Variants in CPEB4 observed in about 807,000 individuals in gnomAD.
CPEB4 encodes cytoplasmic polyadenylation element binding protein 4, also known as cytoplasmic polyadenylation element-binding protein 4.
CPEB4 carries 12 observed loss-of-function variants against 72.5 expected under a neutral mutation model. The ratio of observed to expected loss-of-function variants is 0.17; its 90% confidence interval spans 0.11 to 0.27. The LOEUF (loss-of-function observed/expected upper bound fraction) is 0.27. Ranked by LOEUF, CPEB4 falls within the 10% of genes least tolerant of loss-of-function variation. The probability of loss-of-function intolerance (pLI) is 1.00; values close to 1 mark genes in which losing one functional copy is unlikely to be tolerated. For missense variants in CPEB4, 614 were observed against 908.5 expected, an observed-to-expected ratio of 0.68 and a Z score of 4.17; for synonymous variants, 302 against 326.3, an observed-to-expected ratio of 0.93 and a Z score of 0.80.
At position 173,900,918 on chromosome 5, in the gene CPEB4, A is replaced by G. The variant is rs1756209837; in HGVS notation, c.1126-9605A>G. On this transcript the variant is annotated intron_variant, in intron 1 of 9. Transcript: ENST00000265085. This position sits in a 1 kb window ranked among gnomAD's most constrained non-coding sequence, Gnocchi z 4.4. ...GTTTTGCTGATGAAATTAAGGTTCA[A>G]TGATATTGCAGCATCAAGATCACTT... Among the ~76,000 whole-genome samples the G allele has an allele frequency of 6.6e-6, 1 of 152,196 alleles. No homozygotes were observed. The highest frequency in any genetic ancestry group is 1.5e-5 in the Non-Finnish European group (1 of 68,036).
At position 173,960,612 on chromosome 5, in the gene CPEB4, C is replaced by T. The variant is rs767620973; in HGVS notation, c.*4475C>T. The T allele has an allele frequency of 6.6e-6, 1 of 152,142 alleles. No homozygotes were observed. The highest frequency in any genetic ancestry group is 1.5e-5 in the Non-Finnish European group (1 of 68,022). The allele number at this position is 152,142 out of a possible 1,614,324, so 9.4% of individuals were successfully genotyped here. A position where few individuals can be genotyped will look rare whatever the true frequency, so the allele number is the denominator to read the frequency against. On this transcript the variant is annotated 3_prime_UTR_variant, in exon 10 of 10. Coordinates refer to ENST00000265085, the MANE Select transcript of CPEB4 (RefSeq NM_030627.4). ...GGAGTAAGCCCAGGATCTAAGCATTCAGTTATCAGTTGAAGGCCAAATGCC... is the reference window on the plus strand; with the variant it reads ...GGAGTAAGCCCAGGATCTAAGCATTTAGTTATCAGTTGAAGGCCAAATGCC...
chr5:173,911,134 G>C (rs1156418246), intron 2 of CPEB4, among the ~76,000 whole-genome samples: 1 of 152,072 alleles, frequency 6.6e-6, no homozygotes, highest in Admixed American at 6.5e-5. Context: ...CTGACAAGTT[G>C]TGTTATCTTG....
rs182360362 is a variant in CPEB4, at chr5:173,944,500, T to A, written c.1283-467T>A. Among the ~76,000 whole-genome samples the A allele has an allele frequency of 2.8e-3, 424 of 151,780 alleles. 4 individuals are homozygous for A. The highest frequency in any genetic ancestry group is 1.0e-2 in the African/African-American group (413 of 41,400). ...AAAAAAAAAAAAAAAAAAAATTGAC[T>A]TGTTCATTTTAAGCACATTCTTAGA... On this transcript the variant is annotated intron_variant, in intron 4 of 9. Coordinates refer to ENST00000265085, the MANE Select transcript of CPEB4 (RefSeq NM_030627.4).
intron 2 of CPEB4, among the ~76,000 whole-genome samples, chr5:173,916,852 A>G (rs10078470): frequency 0.011 from 1,679 of 152,328 alleles, 27 homozygotes; most frequent in African/African-American, 0.037. Context: ...TCATTGTAAG[A>G]GAGTGGCTGT....
intron 1 of CPEB4, among the ~76,000 whole-genome samples, chr5:173,893,440 G>A (rs1160787328): frequency 1.3e-5 from 2 of 151,950 alleles, no homozygotes; most frequent in Non-Finnish European, 2.9e-5. Context: ...AACATAGTGA[G>A]ACCCCCGTCT....
At chr5:173,894,925 G>A (rs73806651) in intron 1 of CPEB4, among the ~76,000 whole-genome samples, 2,244 of 152,244 alleles carry the variant, frequency 0.015, 64 homozygotes, top group African/African-American at 0.05. Context: ...AGTATTGAAA[G>A]GGGAAAATAA....
At chr5:173,953,599 T>A (rs773504946) in intron 9 of CPEB4, among the ~76,000 whole-genome samples, 1 of 152,236 alleles carries the variant, frequency 6.6e-6, no homozygotes. Context: ...TGTTCTGTGT[T>A]ATATCAAGTA....
intron 2 of CPEB4, among the ~76,000 whole-genome samples, chr5:173,912,518 CCCAGGAGTTTGAGA>C (rs1369240122): frequency 6.6e-6 from 1 of 151,806 alleles, no homozygotes; most frequent in Non-Finnish European, 1.5e-5. Context: ...ATCACTTGAG[CCCAGGAGTTTGAGA>C]CCAGCCTGGG....
At chr5:173,916,219 G>A (rs1325546423) in intron 2 of CPEB4, among the ~76,000 whole-genome samples, 1 of 152,190 alleles carries the variant, frequency 6.6e-6, no homozygotes, top group Non-Finnish European at 1.5e-5. Context: ...CCTTTGAATA[G>A]TGTGAAAATG....
At chr5:173,938,673 G>A (rs1413744329) in intron 3 of CPEB4, among the ~76,000 whole-genome samples, 1 of 152,118 alleles carries the variant, frequency 6.6e-6, no homozygotes, top group East Asian at 1.9e-4. Context: ...AACCCGAATA[G>A]GATCCGTTTT....
In CPEB4 at chr5:173,950,158, T is replaced by A; in HGVS notation, c.1665+80T>A. The stretch of plus-strand genomic sequence containing the variant: ...ATATTTGAAAAACCCATAGACAACT[T>A]GATGTGTTTGGGGTACTTAATTGAC... On this transcript the variant is annotated intron_variant, in intron 7 of 9. Transcript: ENST00000265085. The surrounding 1 kb of genome is among the most constrained non-coding windows in gnomAD (Gnocchi z 5.0). 1 of 806,182 alleles carries A rather than the reference T, an allele frequency of 1.2e-6. No homozygotes were observed. Among genetic ancestry groups the A allele is most frequent in the Non-Finnish European group, 2.0e-6 (1 of 490,928 alleles). 49.9% of individuals were successfully genotyped at this position (806,182 alleles called of 1,614,324 possible).
intron 1 of CPEB4, among the ~76,000 whole-genome samples, chr5:173,904,683 A>C (rs1756360873): frequency 1.3e-5 from 2 of 148,376 alleles, no homozygotes; most frequent in South Asian, 4.4e-4. Context: ...ACCCTACCCA[A>C]GGAAGGATCA....
At chr5:173,933,088 C>A (rs1757501386) in intron 3 of CPEB4, among the ~76,000 whole-genome samples, 1 of 152,188 alleles carries the variant, frequency 6.6e-6, no homozygotes, top group African/African-American at 2.4e-5. Context: ...TATCCACTCA[C>A]AAGAATTTTA....
intron 6 of CPEB4, among the ~76,000 whole-genome samples, 159 bp from the exon 7 acceptor site, chr5:173,949,801 G>A (rs1407202948): frequency 2.6e-5 from 4 of 152,064 alleles, no homozygotes; most frequent in African/African-American, 7.2e-5. Context: ...CTACCAAAAT[G>A]AACTGTATGT....
intron 1 of CPEB4, among the ~76,000 whole-genome samples, chr5:173,897,044 T>C (rs1261940758): frequency 6.6e-6 from 1 of 152,274 alleles, no homozygotes; most frequent in East Asian, 1.9e-4. Context: ...GTTATGAAAT[T>C]AGTTACAAAT....
At position 173,957,811 on chromosome 5, in the gene CPEB4, T is replaced by C. The variant is rs547214358; in HGVS notation, c.*1674T>C. On this transcript the variant is annotated 3_prime_UTR_variant, in exon 10 of 10. Coordinates refer to ENST00000265085, the MANE Select transcript of CPEB4 (RefSeq NM_030627.4). ...CCTGGCTTATGACCCCTATGGATGA[T>C]CTTTAGGAAAAGCAGCCCTTTACTT... 1 of 152,908 alleles carries C rather than the reference T, an allele frequency of 6.5e-6. No individual in the cohort carries two copies. Among genetic ancestry groups the C allele is most frequent in the African/African-American group, 2.4e-5 (1 of 41,570 alleles). 9.5% of individuals were successfully genotyped at this position (152,908 alleles called of 1,614,324 possible). A position where few individuals can be genotyped will look rare whatever the true frequency, so the allele number is the denominator to read the frequency against.
intron 5 of CPEB4, among the ~76,000 whole-genome samples, chr5:173,945,747 T>C (rs2113279461): frequency 6.6e-6 from 1 of 152,274 alleles, no homozygotes; most frequent in Middle Eastern, 3.4e-3. Context: ...TGTAAAATAG[T>C]GATGCAGGGA....
intron 3 of CPEB4, among the ~76,000 whole-genome samples, chr5:173,933,170 A>G (rs1241917828): frequency 6.6e-6 from 1 of 152,188 alleles, no homozygotes; most frequent in Non-Finnish European, 1.5e-5. Context: ...CTTCTTTTCT[A>G]CTAATTTGCT....
chr5:173,904,546 T>G (rs1483565185), intron 1 of CPEB4, among the ~76,000 whole-genome samples: 1 of 152,194 alleles, frequency 6.6e-6, no homozygotes, highest in Non-Finnish European at 1.5e-5. Context: ...AAGTAAAATA[T>G]AAGTAATATT....
Sources: gnomAD v4.1 joint callset for allele counts (sites outside exome capture counted in the v4.1 genomes callset) on GRCh38, gnomAD v4.1.1 for gene constraint, Gnocchi (gnomAD v3.1) non-coding constraint, MANE v1.5 for transcripts, NCBI Gene and HGNC (gene_info 2026-07-23, HGNC 2026-07-21) for gene names.